Variants in SIK3 observed in about 807,000 individuals in gnomAD.
SIK3 encodes serine/threonine-protein kinase SIK3.
SIK3 carries 28 observed loss-of-function variants against 144.2 expected under a neutral mutation model. The ratio of observed to expected loss-of-function variants is 0.19; its 90% CI spans 0.14 to 0.27. The LOEUF is 0.27. Ranked by LOEUF, SIK3 falls within the 10% of genes least tolerant of loss-of-function variation. SIK3 has a pLI of 1.00. For synonymous variants in SIK3, 686 were observed against 676.3 expected (o/e 1.01, Z -0.22); for missense variants, 1,319 against 1,776.0 (o/e 0.74, Z 4.62).
intron 3 of SIK3, among the ~76,000 whole-genome samples, chr11:116,939,716 G>C (rs1030896306): frequency 6.6e-6 from 1 of 152,058 alleles, no homozygotes; most frequent in African/African-American, 2.4e-5. Flanking sequence ...AAGAAACACT[G>C]AACTACAGGA....
chr11:117,002,683 T>C (rs879463103), intron 1 of SIK3, among the ~76,000 whole-genome samples: 3 of 152,206 alleles, frequency 2.0e-5, no homozygotes, highest in Admixed American at 6.5e-5. Flanking sequence ...ATAAATACAT[T>C]TTAACTTAAA....
intron 13 of SIK3, among the ~76,000 whole-genome samples, chr11:116,870,874 C>T (rs879916398): frequency 6.6e-6 from 1 of 152,130 alleles, no homozygotes; most frequent in Non-Finnish European, 1.5e-5. Context: ...ACAGGAGTTA[C>T]AGGTTTCCAG....
intron 4 of SIK3, among the ~76,000 whole-genome samples, chr11:116,922,977 C>G (rs10892047): frequency 7.6e-6 from 1 of 131,154 alleles, no homozygotes; most frequent in Non-Finnish European, 1.5e-5. Context: ...AGTGCAATGG[C>G]GTGATCTCAG....
At chr11:117,087,496 T>C (rs541697188) in intron 1 of SIK3, among the ~76,000 whole-genome samples, 1 of 152,270 alleles carries the variant, frequency 6.6e-6, no homozygotes, top group East Asian at 1.9e-4. Flanking sequence ...CCAGGTTTGG[T>C]ACAGGGAAAG....
At chr11:117,031,244 C>G (rs1407542779) in intron 1 of SIK3, among the ~76,000 whole-genome samples, 1 of 152,014 alleles carries the variant, frequency 6.6e-6, no homozygotes, top group African/African-American at 2.4e-5. Flanking sequence ...ATATCCTAAA[C>G]ATTTTCTCCT....
intron 4 of SIK3, among the ~76,000 whole-genome samples, chr11:116,915,206 G>A (rs1034203493): frequency 6.6e-6 from 1 of 151,092 alleles, no homozygotes; most frequent in East Asian, 2.0e-4. Flanking sequence ...CAGGCGGTGG[G>A]ATAGAGATGG....
chr11:117,009,011 G>C (rs1415842402), intron 1 of SIK3, among the ~76,000 whole-genome samples: 1 of 152,050 alleles, frequency 6.6e-6, no homozygotes, highest in African/African-American at 2.4e-5. Context: ...GAGGCAGGTG[G>C]ATCACCTGAA....
chr11:116,938,531 G>A (rs1447484090), intron 3 of SIK3, among the ~76,000 whole-genome samples: 1 of 41,776 alleles, frequency 2.4e-5, no homozygotes, highest in Non-Finnish European at 4.3e-5. Flanking sequence ...AGAAGGGGAC[G>A]GGACGGAAGG....
chr11:116,877,013 C>T lies in SIK3; in HGVS notation c.895G>A (p.Val299Met). 1.2e-6 allele frequency: 2 copies of T among 1,614,144 alleles called. No homozygotes were observed. Among genetic ancestry groups the T allele is most frequent in the South Asian group, 1.1e-5 (1 of 91,074 alleles). ...GAGAGGCGCTTATTGGGATCTAACA[C>T]CAACATATGGCGGATCAAATGCTCA... ...ECEHLIRHML[V>M]LDPNKRLSME... Residue 299 changes from valine to methionine, a missense_variant, in exon 7 of 25, where the codon GTG (valine) becomes ATG (methionine). Transcript: ENST00000445177.
chr11:117,010,929 G>A (rs10892059), intron 1 of SIK3, among the ~76,000 whole-genome samples: 66,245 of 151,946 alleles, frequency 0.44, 17,973 homozygotes, highest in Non-Finnish European at 0.62. Context: ...AGACCAGCCT[G>A]GCCAACATGG....
At position 116,896,385 on chromosome 11, in the gene SIK3, C is replaced by A. The variant is rs768458982; in HGVS notation, c.742-9G>T. 35 of 1,612,322 alleles carry A rather than the reference C, an allele frequency of 2.2e-5. No homozygotes were observed. In the South Asian group the frequency reaches 3.7e-4, roughly 17 times the overall value. On this transcript the variant is annotated splice_polypyrimidine_tract_variant and intron_variant, in intron 5 of 24. Coordinates refer to ENST00000445177, the MANE Select transcript of SIK3 (RefSeq NM_001366686.3). ...AGGACAACTCCAAGGCTCTGCATCC[C>A]AAACAGAGAGGATGTACAATTAATC...
rs1002530452 is a variant in SIK3, at chr11:116,972,289, C to T, written c.274-15225G>A. On this transcript the variant is annotated intron_variant, in intron 1 of 24. Coordinates refer to ENST00000445177, the MANE Select transcript of SIK3 (RefSeq NM_001366686.3). ...AGTCGAGCTCAAGAACCTGAGCCCT[C>T]CACTTCATTATGTTTTGCTCCTTCT... 3.9e-5 allele frequency among the ~76,000 whole-genome samples: 6 copies of T among 152,070 alleles called. No homozygotes were observed. The East Asian group carries it at 7.7e-4, about 20-fold the overall frequency.
chr11:116,948,848 G>A (rs1318472217), intron 3 of SIK3, among the ~76,000 whole-genome samples: 1 of 150,894 alleles, frequency 6.6e-6, no homozygotes, highest in East Asian at 1.9e-4. Context: ...TAAAACTGAA[G>A]CAAGCAGAAA....
rs1941771901 is a variant in SIK3 at position 116,844,601 on chromosome 11, A to ATATATAT, written c.*1035_*1041dup. On this transcript the variant is annotated 3_prime_UTR_variant, in exon 25 of 25. Coordinates refer to ENST00000445177, the MANE Select transcript of SIK3 (RefSeq NM_001366686.3). ...GAGAGCATATATATATATATTTTAT[A>ATATATAT]TATATATTATATATATAATATATAT... 1 of 60,222 alleles carries ATATATAT rather than the reference A, an allele frequency of 1.7e-5. No homozygotes were observed. Among genetic ancestry groups the ATATATAT allele is most frequent in the Non-Finnish European group, 3.5e-5 (1 of 28,854 alleles). 3.7% of individuals were successfully genotyped at this position (60,222 alleles called of 1,614,324 possible). A position where few individuals can be genotyped will look rare whatever the true frequency, so the allele number is the denominator to read the frequency against.
intron 1 of SIK3, among the ~76,000 whole-genome samples, chr11:116,972,826 T>C (rs1292599295): frequency 6.6e-6 from 1 of 151,616 alleles, no homozygotes; most frequent in Non-Finnish European, 1.5e-5. Flanking sequence ...ACACACATAA[T>C]GACAGACCTA....
intron 1 of SIK3, among the ~76,000 whole-genome samples, chr11:117,035,418 C>A (rs181274971): frequency 6.6e-6 from 1 of 152,128 alleles, no homozygotes; most frequent in Non-Finnish European, 1.5e-5. Flanking sequence ...ATTAATGATT[C>A]TATTAAACAT....
chr11:116,849,559 T>C lies in SIK3; in HGVS notation c.3656-276A>G, dbSNP rs942458790. Among the ~76,000 whole-genome samples, 2 of 152,180 alleles carry C rather than the reference T, an allele frequency of 1.3e-5. No individual in the cohort carries two copies. Among genetic ancestry groups the C allele is most frequent in the African/African-American group, 4.8e-5 (2 of 41,442 alleles). ...AACCTTCTCTTCTTTCATTTCTCTGTTGAATTAACAGTGATCTATTCCCAA... is the reference window on the plus strand; with the variant it reads ...AACCTTCTCTTCTTTCATTTCTCTGCTGAATTAACAGTGATCTATTCCCAA... On this transcript the variant is annotated intron_variant, in intron 21 of 24. Coordinates refer to ENST00000445177, the MANE Select transcript of SIK3 (RefSeq NM_001366686.3). The surrounding 1 kb of genome is among the most constrained non-coding windows in gnomAD (Gnocchi z 4.2).
intron 1 of SIK3, among the ~76,000 whole-genome samples, chr11:117,062,774 C>A (rs1397238010): frequency 1.3e-5 from 2 of 152,120 alleles, no homozygotes; most frequent in Non-Finnish European, 2.9e-5. Flanking sequence ...AGGATTTTCC[C>A]AGAAAGAGTG....
chr11:116,847,945 C>T (rs1373180698), intron 22 of SIK3, among the ~76,000 whole-genome samples: 1 of 152,242 alleles, frequency 6.6e-6, no homozygotes, highest in African/African-American at 2.4e-5. Context: ...CGTCCAGTCA[C>T]ACTCTGCAGT....
Sources: allele counts gnomAD v4.1 joint callset (sites outside exome capture counted in the v4.1 genomes callset), GRCh38; gene constraint gnomAD v4.1.1; non-coding constraint Gnocchi (gnomAD v3.1); transcripts MANE v1.5; gene names NCBI Gene and HGNC (gene_info 2026-07-23, HGNC 2026-07-21).